Variants in ENPP1 observed in about 807,000 individuals in gnomAD.
The protein encoded by ENPP1 is ectonucleotide pyrophosphatase/phosphodiesterase 1, also known as ectonucleotide pyrophosphatase/phosphodiesterase family member 1.
In ENPP1, 73 loss-of-function variants were observed where a neutral mutation model predicts 122.8. That is an observed-to-expected ratio of 0.59 (90% CI 0.49 to 0.72). ENPP1 has a LOEUF of 0.72. Among genes scored for constraint, ENPP1 ranks in the 30% least tolerant of loss-of-function variants. ENPP1 has a pLI of 0.00. For synonymous variants in ENPP1, 367 were observed against 391.6 expected (o/e 0.94, Z 0.74); for missense variants, 978 against 1,128.1 (o/e 0.87, Z 1.91).
intron 24 of ENPP1, 23 bp from the exon 25 acceptor site, chr6:131,890,317 CT>C (rs1180560167): frequency 6.2e-7 from 1 of 1,606,850 alleles, no homozygotes; most frequent in Admixed American, 1.7e-5. Context: ...GGTAACTTTT[CT>C]TTTATATTTC....
intron 20 of ENPP1, among the ~76,000 whole-genome samples, chr6:131,882,045 A>ATAAG (rs1416445587): frequency 2.7e-5 from 4 of 149,940 alleles, no homozygotes; most frequent in African/African-American, 1.0e-4. Flanking sequence ...AAATAAATAA[A>ATAAG]TAAATAAATA....
Position 131,866,336 on chromosome 6 carries a change from G to T in ENPP1, c.1164+1398G>T, listed in dbSNP as rs551068043. Among the ~76,000 whole-genome samples, 8 of 152,288 alleles carry T rather than the reference G, an allele frequency of 5.3e-5. No individual in the cohort carries two copies. In the East Asian group the frequency reaches 1.5e-3, roughly 29 times the overall value. On this transcript the variant is annotated intron_variant, in intron 11 of 24. Coordinates refer to ENST00000647893, the MANE Select transcript of ENPP1 (RefSeq NM_006208.3). ...GGTTGGATAGTCGGTGAGCCTTAAG[G>T]ACTCTTCAGCACAGCGTTCAGACTA...
At chr6:131,827,805 C>G in intron 1 of ENPP1, 1 of 1,031,876 alleles carries the variant, frequency 9.7e-7, no homozygotes, top group Non-Finnish European at 1.5e-6. Flanking sequence ...GGGGCAATGA[C>G]TGCTTTCTGG....
chr6:131,854,527 T>G (rs1262333499), intron 5 of ENPP1, among the ~76,000 whole-genome samples: 1 of 152,208 alleles, frequency 6.6e-6, no homozygotes, highest in Non-Finnish European at 1.5e-5. Flanking sequence ...TCAGGAAGAA[T>G]ATTTATGGAA....
intron 13 of ENPP1, among the ~76,000 whole-genome samples, chr6:131,871,084 A>G (rs1562180858): frequency 6.6e-6 from 1 of 151,998 alleles, no homozygotes; most frequent in East Asian, 1.9e-4. Context: ...AAAAAAAAAA[A>G]GCTCTACAGG....
Position 131,879,786 on chromosome 6 carries a change from A to G in ENPP1, c.1946-94A>G, listed in dbSNP as rs114690999. 3,553 of 1,131,134 alleles carry G rather than the reference A, an allele frequency of 3.1e-3. 82 individuals carry two copies. The African/African-American group carries it at 0.049, about 16-fold the overall frequency. The allele number at this position is 1,131,134 out of a possible 1,614,324, so 70.1% of individuals were successfully genotyped here. On this transcript the variant is annotated intron_variant, in intron 19 of 24. Transcript: ENST00000647893. Reference sequence around the variant, plus strand: ...ATAGTTAAAAGTAAATCTTCAATATAATTAAGTAGAGGAAAGGATTAGATG... The same window carrying G: ...ATAGTTAAAAGTAAATCTTCAATATGATTAAGTAGAGGAAAGGATTAGATG...
Position 131,839,352 on chromosome 6 carries a change from C to T in ENPP1, c.241-8424C>T, listed in dbSNP as rs144455893. ...TCTTAGACTTTTGTCTTAGGCTTAC[C>T]TCCAATGACTGGTGAATCATGGTGG... On this transcript the variant is annotated intron_variant, in intron 1 of 24. Coordinates refer to ENST00000647893, the MANE Select transcript of ENPP1 (RefSeq NM_006208.3). Among the ~76,000 whole-genome samples the T allele has an allele frequency of 7.2e-3, 1,098 of 151,932 alleles. 12 individuals carry two copies. The highest frequency in any genetic ancestry group is 0.024 in the African/African-American group (989 of 41,450).
chr6:131,855,900 A>C (rs901082946), intron 6 of ENPP1, among the ~76,000 whole-genome samples: 1 of 152,118 alleles, frequency 6.6e-6, no homozygotes, highest in African/African-American at 2.4e-5. Flanking sequence ...CTACAATGTA[A>C]TACTGGACTA....
chr6:131,882,803 C>A (rs1782330347), intron 21 of ENPP1, among the ~76,000 whole-genome samples: 1 of 151,442 alleles, frequency 6.6e-6, no homozygotes, highest in Non-Finnish European at 1.5e-5. Context: ...TGATGTAGTG[C>A]AGATATGGTA....
rs1009624889 is a variant in ENPP1, at chr6:131,893,226, G to A, written c.*2715G>A. 1 of 152,240 alleles carries A rather than the reference G, an allele frequency of 6.6e-6. No individual in the cohort carries two copies. Among genetic ancestry groups the A allele is most frequent in the Non-Finnish European group, 1.5e-5 (1 of 68,038 alleles). The allele number at this position is 152,240 out of a possible 1,614,324, so 9.4% of individuals were successfully genotyped here. Reference sequence around the variant, plus strand: ...TTAGCAGAGCTTAATTAAATGGATAGATGTCTGTTCCCTTTGCTGGACGCC... The same window carrying A: ...TTAGCAGAGCTTAATTAAATGGATAAATGTCTGTTCCCTTTGCTGGACGCC... On this transcript the variant is annotated 3_prime_UTR_variant, in exon 25 of 25. Transcript: ENST00000647893.
chr6:131,873,722 C>G (rs779018413), intron 15 of ENPP1, among the ~76,000 whole-genome samples: 3 of 151,884 alleles, frequency 2.0e-5, no homozygotes, highest in Non-Finnish European at 4.4e-5. Context: ...GATACATACC[C>G]CTGTCAAGCA....
At chr6:131,824,924 G>A (rs1450760830) in intron 1 of ENPP1, among the ~76,000 whole-genome samples, 8 of 152,108 alleles carry the variant, frequency 5.3e-5, no homozygotes, top group East Asian at 2.0e-4. Context: ...GCCTGTTGTC[G>A]TGGCACACAC....
chr6:131,875,648 A>C, intron 16 of ENPP1, 128 bp from the exon 17 acceptor site: 1 of 739,056 alleles, frequency 1.4e-6, no homozygotes, highest in South Asian at 1.5e-5. Context: ...AAGTCCACTG[A>C]GCGTGGTAGT....
intron 2 of ENPP1, among the ~76,000 whole-genome samples, chr6:131,848,206 C>T (rs890763214): frequency 6.6e-6 from 1 of 152,038 alleles, no homozygotes; most frequent in African/African-American, 2.4e-5. Flanking sequence ...CCCTGGGCAA[C>T]CAGAAACCTG....
chr6:131,854,841 C>A, intron 5 of ENPP1, 85 bp from the exon 6 acceptor site: 1 of 918,962 alleles, frequency 1.1e-6, no homozygotes, highest in Non-Finnish European at 1.8e-6. Flanking sequence ...CTTCACTGGA[C>A]CTGTGCCAAG....
At chr6:131,860,244 T>C in intron 7 of ENPP1, 143 bp from the exon 8 acceptor site, 1 of 649,774 alleles carries the variant, frequency 1.5e-6, no homozygotes. Flanking sequence ...TGCCATTACC[T>C]GATTTTTTTG....
chr6:131,845,624 A>T (rs1464201673), intron 1 of ENPP1, among the ~76,000 whole-genome samples: 4 of 151,310 alleles, frequency 2.6e-5, no homozygotes, highest in Non-Finnish European at 4.4e-5. Flanking sequence ...TGCTGGGCTA[A>T]TTTTTTGTAT....
Position 131,854,979 on chromosome 6 carries a change from A to G in ENPP1, c.671A>G (p.Tyr224Cys). The change falls in exon 6 of 25, where the codon TAT (tyrosine) becomes TGT (cysteine). Residue 224 changes from tyrosine to cysteine, a missense_variant. Coordinates refer to ENST00000647893, the MANE Select transcript of ENPP1 (RefSeq NM_006208.3). Reference protein sequence around the residue: ...LFSLDGFRAEYLHTWGGLLPV... With the variant: ...LFSLDGFRAECLHTWGGLLPV... ...TCTTTGGATGGATTCAGGGCAGAATATTTACACACTTGGGGTGGACTTCTT... is the reference window on the plus strand; with the variant it reads ...TCTTTGGATGGATTCAGGGCAGAATGTTTACACACTTGGGGTGGACTTCTT... The G allele has an allele frequency of 6.2e-7, 1 of 1,613,670 alleles. No homozygotes were observed. The highest frequency in any genetic ancestry group is 8.5e-7 in the Non-Finnish European group (1 of 1,179,712).
chr6:131,818,058 G>T (rs914349547), intron 1 of ENPP1, among the ~76,000 whole-genome samples: 1 of 152,058 alleles, frequency 6.6e-6, no homozygotes, highest in Non-Finnish European at 1.5e-5. Flanking sequence ...TGTGTTTCCC[G>T]ATCCCCCTCC....
Sources: gnomAD v4.1 joint callset for allele counts (sites outside exome capture counted in the v4.1 genomes callset) on GRCh38, gnomAD v4.1.1 for gene constraint, MANE v1.5 for transcripts, NCBI Gene and HGNC (gene_info 2026-07-23, HGNC 2026-07-21) for gene names.